PSCA: variants seen among roughly 807,000 people sequenced by gnomAD.
PSCA encodes prostate stem cell antigen.
PSCA carries 7 observed loss-of-function variants against 7.9 expected under a neutral mutation model. That is an observed-to-expected ratio of 0.89 (90% CI 0.51 to 1.67). The LOEUF is 1.67. Among genes scored for constraint, PSCA ranks in the 40% most tolerant of loss-of-function variants. PSCA has a pLI of 0.00. For missense variants in PSCA, 151 were observed against 147.9 expected, an observed-to-expected ratio of 1.02 and a Z score of -0.11; for synonymous variants, 61 against 68.3, an observed-to-expected ratio of 0.89 and a Z score of 0.53.
At chr8:142,680,690 C>G (rs1442790843) in intron 1 of PSCA, 127 bp downstream of exon 1, 5 of 1,292,292 alleles carry the variant, frequency 3.9e-6, no homozygotes, top group African/African-American at 1.5e-5. Flanking sequence ...GGGTGAGGCT[C>G]TTGCCCTAGC....
Position 142,681,999 on chromosome 8 carries a change from G to A in PSCA, c.212G>A (p.Gly71Asp). The A allele has an allele frequency of 6.2e-7, 1 of 1,612,388 alleles. No homozygotes were observed. The highest frequency in any genetic ancestry group is 8.5e-7 in the Non-Finnish European group (1 of 1,179,390). Reference protein sequence around the residue: ...CVDDSQDYYVGKKNITCCDTD... With the variant: ...CVDDSQDYYVDKKNITCCDTD... ...GATGACTCACAGGACTACTACGTGGGCAAGAAGAACATCACGTGCTGTGAC... is the reference window on the plus strand; with the variant it reads ...GATGACTCACAGGACTACTACGTGGACAAGAAGAACATCACGTGCTGTGAC... Residue 71 changes from glycine (G) to aspartate (D), a missense_variant, in exon 3 of 3, where the codon GGC (glycine) becomes GAC (aspartate). Transcript: ENST00000301258.
At chr8:142,674,337 C>G (rs1480779616) in intron 1 of PSCA, among the ~76,000 whole-genome samples, 1 of 141,542 alleles carries the variant, frequency 7.1e-6, no homozygotes, top group Admixed American at 7.0e-5. Context: ...CTCCCCTCAT[C>G]TTCCTAATGA....
upstream of PSCA, among the ~76,000 whole-genome samples, chr8:142,678,004 C>T (rs1179292055): frequency 6.6e-6 from 1 of 152,068 alleles, no homozygotes; most frequent in Admixed American, 6.5e-5. Context: ...GGTCTTGCAT[C>T]GTCCCTGCCC....
upstream of PSCA, among the ~76,000 whole-genome samples, chr8:142,677,253 A>T (rs1847410190): frequency 6.6e-6 from 1 of 152,194 alleles, no homozygotes; most frequent in African/African-American, 2.4e-5. Context: ...AGCCATGACC[A>T]CGGGGCCATC....
rs782438801 is a variant in PSCA at position 142,681,970 on chromosome 8, C to T, written c.183C>T (p.Cys61=). 3.1e-5 allele frequency: 50 copies of T among 1,602,026 alleles called. No individual in the cohort carries two copies. Among genetic ancestry groups the T allele is most frequent in the African/African-American group, 4.0e-5 (3 of 74,804 alleles). The change falls in exon 3 of 3, where the codon TGC becomes TGT. Residue 61 remains cysteine (C), a synonymous_variant. Transcript: ENST00000301258. ...TVISKGCSLN[C]VDDSQDYYVG... Reference sequence around the variant, plus strand: ...TCAGCAAAGGCTGCAGCTTGAACTGCGTGGATGACTCACAGGACTACTACG... The same window carrying T: ...TCAGCAAAGGCTGCAGCTTGAACTGTGTGGATGACTCACAGGACTACTACG...
At chr8:142,680,920 A>G in intron 1 of PSCA, 1 of 480,266 alleles carries the variant, frequency 2.1e-6, no homozygotes, top group Non-Finnish European at 3.8e-6. Context: ...CAGGCTAAGA[A>G]GTGGTTTTTG....
At chr8:142,680,426 T>G (rs1587546632), upstream of PSCA, 1 of 1,324,342 alleles carries the variant, frequency 7.6e-7, no homozygotes, top group African/African-American at 1.5e-5. Context: ...AACCCGCTGG[T>G]GTTGACTGTG....
At position 142,682,079 on chromosome 8, in the gene PSCA, C is replaced by T; in HGVS notation, c.292C>T (p.Leu98Phe). ...TGCCCTGCAGCCGGCTGCTGCCATCCTTGCGCTGCTCCCTGCACTCGGCCT... is the reference window on the plus strand; with the variant it reads ...TGCCCTGCAGCCGGCTGCTGCCATCTTTGCGCTGCTCCCTGCACTCGGCCT... ...AHALQPAAAI[L>F]ALLPALGLLL... The change falls in exon 3 of 3, where the codon CTT (leucine) becomes TTT (phenylalanine). Residue 98 changes from leucine (L) to phenylalanine (F), a missense_variant. By Grantham distance (22) the Leu-to-Phe change is conservative. Transcript: ENST00000301258. 6.2e-7 allele frequency: 1 copy of T among 1,607,600 alleles called. No individual in the cohort carries two copies. The highest frequency in any genetic ancestry group is 8.5e-7 in the Non-Finnish European group (1 of 1,179,660).
chr8:142,678,025 T>C (rs2129865158), upstream of PSCA, among the ~76,000 whole-genome samples: 1 of 152,092 alleles, frequency 6.6e-6, no homozygotes, highest in East Asian at 1.9e-4. Context: ...CCATCAGTAG[T>C]GTCACCTTGA....
Position 142,680,514 on chromosome 8 carries a change from G to T in PSCA, c.-25G>T. On this transcript the variant is annotated 5_prime_UTR_variant, in exon 1 of 3. Coordinates refer to ENST00000301258, the MANE Select transcript of PSCA (RefSeq NM_005672.5). ...TCCACCACAGCCCACCAGTGACCAC[G>T]AAGGCTGTGCTGCTTGCCCTGTTGA... The T allele has an allele frequency of 6.4e-7, 1 of 1,553,212 alleles. No homozygotes were observed. Among genetic ancestry groups the T allele is most frequent in the African/African-American group, 1.4e-5 (1 of 73,280 alleles).
At chr8:142,676,660 AAG>A (rs1554637842), upstream of PSCA, 2 of 152,238 alleles carry the variant, frequency 1.3e-5, no homozygotes, top group African/African-American at 4.8e-5. Flanking sequence ...AGGGATCAGA[AAG>A]AGAGGAAGAG....
At chr8:142,680,203 G>C (rs587740136), upstream of PSCA, 170 of 366,458 alleles carry the variant, frequency 4.6e-4, no homozygotes, top group African/African-American at 3.1e-3. Context: ...GGTCTCCCTT[G>C]TCTGGCCTTG....
upstream of PSCA, among the ~76,000 whole-genome samples, chr8:142,677,894 G>A (rs977427833): frequency 1.4e-4 from 21 of 152,176 alleles, no homozygotes; most frequent in Non-Finnish European, 2.6e-4. Context: ...GGGTTCCAGG[G>A]AGGCAGGCAG....
In PSCA at chr8:142,674,000, C is replaced by A; in HGVS notation, n.261+3432C>A. ...TCGTTTCAGTCTAACCTCAGCAGAG[C>A]GCAGATCACCCATCTTCCTAATGAA... On this transcript the variant is annotated intron_variant and non_coding_transcript_variant, in intron 1 of 1. Coordinates refer to the PSCA transcript ENST00000505305. This position sits in a 1 kb window ranked among gnomAD's most constrained non-coding sequence, Gnocchi z 4.6. Among the ~76,000 whole-genome samples the A allele has an allele frequency of 6.9e-6, 1 of 145,690 alleles. No individual in the cohort carries two copies. Among genetic ancestry groups the A allele is most frequent in the Non-Finnish European group, 1.5e-5 (1 of 66,854 alleles).
Position 142,682,014 on chromosome 8 carries a change from C to G in PSCA, c.227C>G (p.Thr76Arg). The G allele has an allele frequency of 6.2e-7, 1 of 1,613,188 alleles. No individual in the cohort carries two copies. ...QDYYVGKKNITCCDTDLCNAS... is the reference protein window; with the variant it reads ...QDYYVGKKNIRCCDTDLCNAS... ...TACTACGTGGGCAAGAAGAACATCA[C>G]GTGCTGTGACACCGACTTGTGCAAC... The change falls in exon 3 of 3, where the codon ACG (threonine) becomes AGG (arginine). Residue 76 changes from threonine to arginine, a missense_variant. By Grantham distance (71) the Thr-to-Arg change is moderately conservative. Coordinates refer to ENST00000301258, the MANE Select transcript of PSCA (RefSeq NM_005672.5).
intron 2 of PSCA, chr8:142,681,664 C>T (rs1320681688): frequency 1.1e-5 from 7 of 613,168 alleles, no homozygotes; most frequent in South Asian, 3.8e-5. Flanking sequence ...CTCCTCCACC[C>T]ATCTGTCCCT....
rs902728623 is a variant in PSCA, at chr8:142,673,249, C to T, written n.261+2681C>T. ...ATTTTTAACTCCTATTTTTAACTGC[C>T]ACCTCAGGGACATGGGATCACGTGG... On this transcript the variant is annotated intron_variant and non_coding_transcript_variant, in intron 1 of 1. Transcript: ENST00000505305. The surrounding 1 kb of genome is among the most constrained non-coding windows in gnomAD (Gnocchi z 4.6). Among the ~76,000 whole-genome samples, 1 of 152,164 alleles carries T rather than the reference C, an allele frequency of 6.6e-6. No individual in the cohort carries two copies. Among genetic ancestry groups the T allele is most frequent in the Non-Finnish European group, 1.5e-5 (1 of 68,038 alleles).
chr8:142,680,179 G>A (rs1376988455), upstream of PSCA: 3 of 296,564 alleles, frequency 1.0e-5, no homozygotes, highest in African/African-American at 6.3e-5. Context: ...AGGCCTGGAG[G>A]AGTCTGGAGA....
chr8:142,674,698 G>C (rs1052480857), intron 1 of PSCA, among the ~76,000 whole-genome samples: 3 of 152,176 alleles, frequency 2.0e-5, no homozygotes, highest in Non-Finnish European at 4.4e-5. Flanking sequence ...CATGCCCCAA[G>C]TTCGCAGAGC....
Sources: gnomAD v4.1 joint callset for allele counts (sites outside exome capture counted in the v4.1 genomes callset) on GRCh38, gnomAD v4.1.1 for gene constraint, Gnocchi (gnomAD v3.1) non-coding constraint, MANE v1.5 for transcripts, NCBI Gene and HGNC (gene_info 2026-07-23, HGNC 2026-07-21) for gene names.